The following CELF1 variants were observed in gnomAD, a reference collection of about 807,000 sequenced individuals.
The protein encoded by CELF1 is CUGBP Elav-like family member 1.
In CELF1, 10 loss-of-function variants were observed where a neutral mutation model predicts 61.8. The ratio of observed to expected loss-of-function variants is 0.16; its 90% confidence interval spans 0.10 to 0.27. The LOEUF is 0.27. Ranked by LOEUF, CELF1 falls within the 10% of genes least tolerant of loss-of-function variation. The probability of loss-of-function intolerance (pLI) is 1.00; values close to 1 mark genes in which losing one functional copy is unlikely to be tolerated. For synonymous variants in CELF1, 236 were observed against 225.1 expected, an observed-to-expected ratio of 1.05 and a Z score of -0.43; for missense variants, 380 against 639.1, an observed-to-expected ratio of 0.59 and a Z score of 4.37.
chr11:47,470,928 C>T lies in CELF1; in HGVS notation c.*1302G>A, dbSNP rs2077559414. ...CAGGGAGCTAACTGTAGCACGAGGACAAAAATGAACACGGTAATACTGAGG... is the reference window on the plus strand; with the variant it reads ...CAGGGAGCTAACTGTAGCACGAGGATAAAAATGAACACGGTAATACTGAGG... On this transcript the variant is annotated 3_prime_UTR_variant, in exon 15 of 15. Transcript: ENST00000687097. The T allele has an allele frequency of 6.6e-6, 1 of 152,142 alleles. No individual in the cohort carries two copies. Among genetic ancestry groups the T allele is most frequent in the South Asian group, 2.1e-4 (1 of 4,832 alleles). The allele number at this position is 152,142 out of a possible 1,614,324, so 9.4% of individuals were successfully genotyped here. A position where few individuals can be genotyped will look rare whatever the true frequency, so the allele number is the denominator to read the frequency against.
chr11:47,530,576 A>G (rs920061583), intron 1 of CELF1, among the ~76,000 whole-genome samples: 5 of 152,222 alleles, frequency 3.3e-5, no homozygotes, highest in Admixed American at 3.3e-4. Context: ...CTTATAGAAT[A>G]TAGCTGTTTA....
At chr11:47,485,195 T>C (rs1213107244) in intron 6 of CELF1, among the ~76,000 whole-genome samples, 1 of 152,224 alleles carries the variant, frequency 6.6e-6, no homozygotes, top group Admixed American at 6.5e-5. Flanking sequence ...TTGTTTCCTC[T>C]TTTTGAGACA....
At chr11:47,541,727 AACGAAAGAAAGAACG>A (rs2096792099) in intron 1 of CELF1, among the ~76,000 whole-genome samples, 1 of 7,694 alleles carries the variant, frequency 1.3e-4, no homozygotes, top group African/African-American at 3.0e-4. Flanking sequence ...AGAAAGAAAG[AACGAAAGAAAGAACG>A]AAAGAAAGAA....
chr11:47,534,417 T>C (rs2096578394), intron 1 of CELF1, among the ~76,000 whole-genome samples: 1 of 150,832 alleles, frequency 6.6e-6, no homozygotes, highest in Non-Finnish European at 1.5e-5. Context: ...TAGAAATATA[T>C]CAGACACAAA....
chr11:47,535,212 A>G (rs2096597437), intron 1 of CELF1, among the ~76,000 whole-genome samples: 1 of 152,164 alleles, frequency 6.6e-6, no homozygotes, highest in Non-Finnish European at 1.5e-5. Context: ...TATCCCTCAC[A>G]CTAATAACTA....
At chr11:47,505,988 T>C (rs2094461758) in intron 1 of CELF1, among the ~76,000 whole-genome samples, 1 of 150,608 alleles carries the variant, frequency 6.6e-6, no homozygotes, top group Non-Finnish European at 1.5e-5. Flanking sequence ...AGGAAGGTAT[T>C]AGTACGTGCA....
chr11:47,553,040 C>A lies in CELF1; in HGVS notation c.-202G>T. The A allele has an allele frequency of 2.5e-6, 1 of 401,344 alleles. No homozygotes were observed. Among genetic ancestry groups the A allele is most frequent in the Non-Finnish European group, 4.4e-6 (1 of 228,362 alleles). The allele number at this position is 401,344 out of a possible 1,614,324, so 24.9% of individuals were successfully genotyped here. ...GCTGCCTCAGTTGCTGCCTGCGCCT[C>A]CGCAGCCGCCGCCGCCGCCTCGCTG... On this transcript the variant is annotated 5_prime_UTR_variant, in exon 1 of 15. Coordinates refer to ENST00000687097, the MANE Select transcript of CELF1 (RefSeq NM_001376376.1).
At chr11:47,545,987 T>C (rs1446790921) in intron 1 of CELF1, among the ~76,000 whole-genome samples, 2 of 150,396 alleles carry the variant, frequency 1.3e-5, no homozygotes, top group Non-Finnish European at 3.0e-5. Flanking sequence ...CTCAGCTCAC[T>C]GCAAGCTCCG....
intron 1 of CELF1, chr11:47,524,795 C>G (rs1264696272): frequency 6.6e-6 from 1 of 152,210 alleles, no homozygotes; most frequent in East Asian, 1.9e-4. Flanking sequence ...CAGCTTTACC[C>G]ATACATGGTT....
At chr11:47,563,787 G>A (rs1449007995) in intron 2 of CELF1, among the ~76,000 whole-genome samples, 3 of 151,628 alleles carry the variant, frequency 2.0e-5, no homozygotes, top group Non-Finnish European at 4.4e-5. Context: ...TTGGAAGGCC[G>A]AGGGGGACGG....
intron 9 of CELF1, among the ~76,000 whole-genome samples, chr11:47,479,508 T>G (rs1334111111): frequency 6.6e-6 from 1 of 152,210 alleles, no homozygotes; most frequent in African/African-American, 2.4e-5. Flanking sequence ...CAGCTACACA[T>G]CTATCCAACC....
At chr11:47,487,096 G>A in intron 5 of CELF1, 63 bp downstream of exon 5, 1 of 1,273,920 alleles carries the variant, frequency 7.8e-7, no homozygotes, top group Non-Finnish European at 1.1e-6. Flanking sequence ...TGTCTGATAT[G>A]TGTAAGTATA....
intron 2 of CELF1, among the ~76,000 whole-genome samples, chr11:47,500,005 C>T (rs67132220): frequency 0.017 from 2,536 of 152,310 alleles, 25 homozygotes; most frequent in Non-Finnish European, 0.025. Context: ...GTTAGCCTTG[C>T]TTTTAAACTT....
At chr11:47,491,395 A>G (rs200825681) in intron 3 of CELF1, among the ~76,000 whole-genome samples, 1 of 151,532 alleles carries the variant, frequency 6.6e-6, no homozygotes, top group African/African-American at 2.4e-5. Context: ...ACTGAGCTCA[A>G]GTGATCCACC....
At chr11:47,507,880 A>AT (rs2094643397) in intron 1 of CELF1, among the ~76,000 whole-genome samples, 2 of 152,240 alleles carry the variant, frequency 1.3e-5, no homozygotes, top group South Asian at 4.1e-4. Context: ...AGTTCCAGTA[A>AT]TTTTAAGGGC....
At chr11:47,503,780 G>A (rs1471497383) in intron 1 of CELF1, among the ~76,000 whole-genome samples, 4 of 152,104 alleles carry the variant, frequency 2.6e-5, no homozygotes, top group Non-Finnish European at 5.9e-5. Flanking sequence ...CAAGTACCTT[G>A]CTTGCATAGG....
At chr11:47,560,771 G>C (rs933862993) in intron 2 of CELF1, among the ~76,000 whole-genome samples, 1 of 152,170 alleles carries the variant, frequency 6.6e-6, no homozygotes, top group Non-Finnish European at 1.5e-5. Context: ...GTTAACATTG[G>C]AGGGGGGTGG....
At chr11:47,516,506 T>C (rs1213681208) in intron 1 of CELF1, among the ~76,000 whole-genome samples, 2 of 152,182 alleles carry the variant, frequency 1.3e-5, no homozygotes, top group African/African-American at 2.4e-5. Context: ...CTTCCGGGTA[T>C]TGCAGATCCT....
At chr11:47,530,721 G>A (rs999950129) in intron 1 of CELF1, among the ~76,000 whole-genome samples, 1 of 152,154 alleles carries the variant, frequency 6.6e-6, no homozygotes, top group African/African-American at 2.4e-5. Context: ...TTCGGAGGCC[G>A]AGGCAGGAAG....
Sources: gnomAD v4.1 joint callset for allele counts (sites outside exome capture counted in the v4.1 genomes callset) on GRCh38, gnomAD v4.1.1 for gene constraint, MANE v1.5 for transcripts, NCBI Gene and HGNC (gene_info 2026-07-23, HGNC 2026-07-21) for gene names.